ZFHX3: variants seen among roughly 807,000 people sequenced by gnomAD.
ZFHX3 encodes zinc finger homeobox 3, also known as zinc finger homeobox protein 3.
A neutral mutation model predicts 279.1 loss-of-function variants in ZFHX3; 42 were observed. That is an observed-to-expected ratio of 0.15 (90% CI 0.12 to 0.19). The LOEUF is 0.19. Among genes scored for constraint, ZFHX3 ranks in the 10% least tolerant of loss-of-function variants. The pLI, the probability that ZFHX3 is intolerant of heterozygous loss-of-function variation, is 1.00. For synonymous variants in ZFHX3, 2,293 were observed against 1,957.8 expected, an observed-to-expected ratio of 1.17 and a Z score of -4.52; for missense variants, 4,981 against 4,754.0, an observed-to-expected ratio of 1.05 and a Z score of -1.40.
intron 1 of ZFHX3, among the ~76,000 whole-genome samples, chr16:73,778,021 C>T (rs1044504890): frequency 4.0e-5 from 6 of 151,614 alleles, no homozygotes; most frequent in African/African-American, 1.5e-4. Context: ...CAGAGTGAGA[C>T]CCTGTCTCCA....
chr16:73,197,781 C>G (rs532453905), intron 5 of ZFHX3, among the ~76,000 whole-genome samples: 314 of 152,142 alleles, frequency 2.1e-3, no homozygotes, highest in Non-Finnish European at 3.9e-3. Context: ...ATGGGCTGGC[C>G]GTTGGTTCAA....
At chr16:73,864,336 C>T (rs965536664) in intron 1 of ZFHX3, among the ~76,000 whole-genome samples, 3 of 152,222 alleles carry the variant, frequency 2.0e-5, no homozygotes, top group African/African-American at 7.2e-5. Flanking sequence ...ATTAACTACG[C>T]TGTGACAAGC....
At chr16:73,543,486 C>T (rs781723838) in intron 2 of ZFHX3, among the ~76,000 whole-genome samples, 2 of 152,026 alleles carry the variant, frequency 1.3e-5, no homozygotes, top group African/African-American at 2.4e-5. Flanking sequence ...CAGGGCCTGG[C>T]TCTGTGTTAT....
chr16:73,249,769 G>GA (rs58916233), intron 5 of ZFHX3, among the ~76,000 whole-genome samples: 22,412 of 149,482 alleles, frequency 0.15, 2,258 homozygotes, highest in East Asian at 0.49. Flanking sequence ...ATATAAGTAA[G>GA]AAAAAAAACC....
At chr16:73,620,061 C>T (rs1348691863) in intron 2 of ZFHX3, among the ~76,000 whole-genome samples, 5 of 152,174 alleles carry the variant, frequency 3.3e-5, no homozygotes, top group African/African-American at 1.2e-4. Flanking sequence ...GTAGCTGGGA[C>T]TACAGGTGTG....
intron 2 of ZFHX3, among the ~76,000 whole-genome samples, chr16:73,604,078 T>A (rs1336892028): frequency 1.3e-5 from 2 of 152,046 alleles, no homozygotes; most frequent in Non-Finnish European, 1.5e-5. Context: ...GCCCAGCCAT[T>A]CTATATTATT....
At chr16:73,510,695 G>A (rs1442676394) in intron 2 of ZFHX3, among the ~76,000 whole-genome samples, 1 of 152,198 alleles carries the variant, frequency 6.6e-6, no homozygotes, top group Non-Finnish European at 1.5e-5. Flanking sequence ...TCCAACCTGA[G>A]CAACCATACA....
intron 1 of ZFHX3, among the ~76,000 whole-genome samples, chr16:73,039,693 CTTTT>C (rs528500417): frequency 6.9e-4 from 105 of 152,234 alleles, no homozygotes; most frequent in Non-Finnish European, 1.3e-3. Context: ...CCAAGTATCT[CTTTT>C]TTTATTTTTT....
intron 1 of ZFHX3, among the ~76,000 whole-genome samples, chr16:73,806,243 G>A (rs1265455287): frequency 6.6e-6 from 1 of 152,182 alleles, no homozygotes; most frequent in African/African-American, 2.4e-5. Flanking sequence ...TTTGGGTGGG[G>A]ACACAGAGCC....
chr16:73,319,858 CCA>C (rs1243419844), intron 3 of ZFHX3, among the ~76,000 whole-genome samples: 2 of 152,188 alleles, frequency 1.3e-5, no homozygotes, highest in Non-Finnish European at 2.9e-5. Flanking sequence ...AGAGAAAGGT[CCA>C]GTCCTCAGAC....
At chr16:73,469,353 C>A (rs1247885530) in intron 2 of ZFHX3, among the ~76,000 whole-genome samples, 2 of 152,100 alleles carry the variant, frequency 1.3e-5, no homozygotes, top group Non-Finnish European at 2.9e-5. Context: ...GAGCTGGGGG[C>A]TCTTGGAGGA....
chr16:73,681,890 G>A lies in ZFHX3; in HGVS notation c.-1607-1650C>T, dbSNP rs186769872. ...TATGTATTAGTGACTTCCTCTATTT[G>A]TAATCATCAATTTTAAATTTCCAAT... On this transcript the variant is annotated intron_variant, in intron 1 of 17. Coordinates refer to the ZFHX3 transcript ENST00000641206. 1.1e-3 allele frequency among the ~76,000 whole-genome samples: 162 copies of A among 152,260 alleles called. 1 individual carries two copies. Among genetic ancestry groups the A allele is most frequent in the African/African-American group, 2.9e-3 (119 of 41,538 alleles).
At chr16:72,998,722 T>C (rs1470678572) in intron 1 of ZFHX3, among the ~76,000 whole-genome samples, 1 of 152,230 alleles carries the variant, frequency 6.6e-6, no homozygotes, top group African/African-American at 2.4e-5. Context: ...ATGCTTGTAG[T>C]TCTCACTCAC....
chr16:73,851,203 T>C (rs1439976651), intron 1 of ZFHX3, among the ~76,000 whole-genome samples: 1 of 152,070 alleles, frequency 6.6e-6, no homozygotes, highest in African/African-American at 2.4e-5. Context: ...CGCTACAACA[T>C]GGTACCTAGG....
At chr16:73,867,730 C>T (rs916281018) in intron 1 of ZFHX3, among the ~76,000 whole-genome samples, 2 of 152,176 alleles carry the variant, frequency 1.3e-5, no homozygotes, top group East Asian at 3.9e-4. Context: ...CCCAAATGCA[C>T]TCTGATATCT....
At position 72,919,777 on chromosome 16, in the gene ZFHX3, C is replaced by CTTTTTTTTTTTTTTT. The variant is rs532405250; in HGVS notation, c.3217-29830_3217-29816dup. Among the ~76,000 whole-genome samples the CTTTTTTTTTTTTTTT allele has an allele frequency of 2.1e-4, 9 of 42,292 alleles. 3 individuals are homozygous for CTTTTTTTTTTTTTTT. Among genetic ancestry groups the CTTTTTTTTTTTTTTT allele is most frequent in the Admixed American group, 9.9e-4 (2 of 2,026 alleles). The allele number at this position is 42,292 out of a possible 152,430, so 27.7% of individuals were successfully genotyped here. A position where few individuals can be genotyped will look rare whatever the true frequency, so the allele number is the denominator to read the frequency against. On this transcript the variant is annotated intron_variant, in intron 3 of 9. Coordinates refer to ENST00000268489, the MANE Select transcript of ZFHX3 (RefSeq NM_006885.4). Reference sequence around the variant, plus strand: ...CAACTAAAACATGTATATGCACCATCTTTTTTTTTTTTTTTTTTTTTTTTT... The same window carrying CTTTTTTTTTTTTTTT: ...CAACTAAAACATGTATATGCACCATCTTTTTTTTTTTTTTTTTTTTTTTTTTTTTTTTTTTTTTTT...
At chr16:73,365,411 C>T (rs1405526292) in intron 3 of ZFHX3, among the ~76,000 whole-genome samples, 2 of 152,196 alleles carry the variant, frequency 1.3e-5, no homozygotes, top group African/African-American at 4.8e-5. Context: ...CTAGACATTG[C>T]TGGGGCTTGA....
chr16:73,153,594 A>C (rs1022054247), intron 5 of ZFHX3, among the ~76,000 whole-genome samples: 1 of 152,176 alleles, frequency 6.6e-6, no homozygotes, highest in African/African-American at 2.4e-5. Flanking sequence ...TACGGGCTTT[A>C]ATTTTCAGTA....
At chr16:72,936,119 A>G (rs1235142392) in intron 3 of ZFHX3, among the ~76,000 whole-genome samples, 3 of 152,208 alleles carry the variant, frequency 2.0e-5, no homozygotes, top group African/African-American at 7.2e-5. Flanking sequence ...CTGTGTGTGA[A>G]GCTGATGGTA....
Sources: gnomAD v4.1 joint callset for allele counts (sites outside exome capture counted in the v4.1 genomes callset) on GRCh38, gnomAD v4.1.1 for gene constraint, MANE v1.5 for transcripts, NCBI Gene and HGNC (gene_info 2026-07-23, HGNC 2026-07-21) for gene names.